ZMAT4: variants seen among roughly 807,000 people sequenced by gnomAD.
ZMAT4 encodes the protein zinc finger matrin-type protein 4.
Under a neutral mutation model 28.7 loss-of-function variants are expected in ZMAT4, and 17 were observed. That is an observed-to-expected ratio of 0.59 (90% CI 0.41 to 0.89). The LOEUF (loss-of-function observed/expected upper bound fraction) is 0.89, where lower values mean the gene tolerates loss of function less well. Among genes scored for constraint, ZMAT4 ranks in the 40% least tolerant of loss-of-function variants. ZMAT4 has a pLI of 0.00. For synonymous variants in ZMAT4, 117 were observed against 109.2 expected, an observed-to-expected ratio of 1.07 and a Z score of -0.44; for missense variants, 240 against 283.8, an observed-to-expected ratio of 0.85 and a Z score of 1.11.
chr8:40,650,504 G>A (rs1173016390), intron 5 of ZMAT4, among the ~76,000 whole-genome samples: 1 of 127,402 alleles, frequency 7.8e-6, no homozygotes, highest in Non-Finnish European at 1.7e-5. Context: ...GGTACAAGGA[G>A]GAACTGGTAC....
At chr8:40,682,145 T>C (rs1454637432) in intron 4 of ZMAT4, among the ~76,000 whole-genome samples, 1 of 152,198 alleles carries the variant, frequency 6.6e-6, no homozygotes, top group Non-Finnish European at 1.5e-5. Context: ...TACTCATGGA[T>C]ATATACTCCC....
chr8:40,780,520 A>G (rs1185995622), intron 2 of ZMAT4, among the ~76,000 whole-genome samples: 1 of 152,200 alleles, frequency 6.6e-6, no homozygotes, highest in Admixed American at 6.5e-5. Flanking sequence ...AGTCCGGAGC[A>G]CCGACATTCT....
At chr8:40,830,642 T>C (rs935837352) in intron 1 of ZMAT4, among the ~76,000 whole-genome samples, 1 of 152,214 alleles carries the variant, frequency 6.6e-6, no homozygotes, top group African/African-American at 2.4e-5. Flanking sequence ...AATGAACATG[T>C]AAGTGCAGGT....
intron 5 of ZMAT4, among the ~76,000 whole-genome samples, chr8:40,586,906 T>C (rs1041837643): frequency 2.0e-5 from 3 of 151,908 alleles, no homozygotes; most frequent in African/African-American, 7.3e-5. Flanking sequence ...AGCAGGATCA[T>C]GAGGAAGAAA....
At chr8:40,863,996 C>T (rs1409293425) in intron 1 of ZMAT4, among the ~76,000 whole-genome samples, 2 of 152,188 alleles carry the variant, frequency 1.3e-5, no homozygotes, top group Non-Finnish European at 1.5e-5. Flanking sequence ...ATCTCCTGTG[C>T]CTCACATGGT....
rs141856436 is a variant in ZMAT4 at position 40,837,711 on chromosome 8, G to A, written c.-4-12031C>T. Reference sequence around the variant, plus strand: ...GAGAATGCTCATTCAGGTCAGTACCGCTCGATTTCTCATTTGAACAGAGTG... The same window carrying A: ...GAGAATGCTCATTCAGGTCAGTACCACTCGATTTCTCATTTGAACAGAGTG... On this transcript the variant is annotated intron_variant, in intron 1 of 6. Coordinates refer to ENST00000297737, the MANE Select transcript of ZMAT4 (RefSeq NM_024645.3). Among the ~76,000 whole-genome samples, 838 of 152,262 alleles carry A rather than the reference G, an allele frequency of 5.5e-3. 7 individuals are homozygous for A. Among genetic ancestry groups the A allele is most frequent in the African/African-American group, 0.019 (787 of 41,542 alleles).
intron 5 of ZMAT4, among the ~76,000 whole-genome samples, chr8:40,608,305 G>A (rs923117371): frequency 6.6e-6 from 1 of 152,126 alleles, no homozygotes; most frequent in African/African-American, 2.4e-5. Context: ...TATGTTCCTA[G>A]GGGAAATATG....
intron 5 of ZMAT4, among the ~76,000 whole-genome samples, chr8:40,635,921 AT>A (rs1806775447): frequency 1.3e-5 from 2 of 152,170 alleles, no homozygotes; most frequent in African/African-American, 4.8e-5. Flanking sequence ...AGAGGAAAAG[AT>A]TTCTGAGTTC....
chr8:40,679,874 A>G (rs544100857), intron 4 of ZMAT4, among the ~76,000 whole-genome samples: 76 of 152,350 alleles, frequency 5.0e-4, no homozygotes, highest in African/African-American at 1.8e-3. Flanking sequence ...TGATGAATAA[A>G]TGAATGAACG....
At chr8:40,738,176 G>C (rs1256418379) in intron 3 of ZMAT4, among the ~76,000 whole-genome samples, 3 of 152,138 alleles carry the variant, frequency 2.0e-5, no homozygotes, top group Non-Finnish European at 4.4e-5. Flanking sequence ...ATACAGAAGA[G>C]GTACCAGGTG....
At chr8:40,733,557 G>C (rs966536110) in intron 3 of ZMAT4, among the ~76,000 whole-genome samples, 2 of 152,022 alleles carry the variant, frequency 1.3e-5, no homozygotes, top group African/African-American at 4.8e-5. Flanking sequence ...TTTTGGATTT[G>C]TTGAGCAGTC....
chr8:40,576,983 C>A (rs1254885633), intron 6 of ZMAT4, among the ~76,000 whole-genome samples: 1 of 152,112 alleles, frequency 6.6e-6, no homozygotes, highest in African/African-American at 2.4e-5. Context: ...CACCTGAGGT[C>A]AGGAGTTCAA....
chr8:40,563,929 T>A (rs1293535073), intron 6 of ZMAT4, among the ~76,000 whole-genome samples: 1 of 152,010 alleles, frequency 6.6e-6, no homozygotes, highest in Non-Finnish European at 1.5e-5. Context: ...CCATGGCAGG[T>A]CTCCTACAGG....
chr8:40,685,842 G>A (rs112979703), intron 4 of ZMAT4, among the ~76,000 whole-genome samples: 6 of 152,250 alleles, frequency 3.9e-5, no homozygotes, highest in African/African-American at 1.4e-4. Context: ...GTTCCTGTCA[G>A]AATCACCTTG....
chr8:40,559,154 A>T (rs1436770357), intron 6 of ZMAT4, among the ~76,000 whole-genome samples: 2 of 152,126 alleles, frequency 1.3e-5, no homozygotes, highest in Non-Finnish European at 2.9e-5. Flanking sequence ...CCTGTTCTAC[A>T]ACCATAACTA....
chr8:40,768,695 G>T (rs1813263654), intron 2 of ZMAT4, among the ~76,000 whole-genome samples: 1 of 144,076 alleles, frequency 6.9e-6, no homozygotes, highest in South Asian at 2.2e-4. Flanking sequence ...ATTTGCTAGG[G>T]TGTCATAAGA....
At chr8:40,764,924 T>C (rs187837589) in intron 3 of ZMAT4, among the ~76,000 whole-genome samples, 12 of 152,158 alleles carry the variant, frequency 7.9e-5, no homozygotes, top group South Asian at 6.2e-4. Context: ...CTCTGATTCC[T>C]AAACTCAAGC....
At chr8:40,761,884 C>T (rs1240830376) in intron 3 of ZMAT4, among the ~76,000 whole-genome samples, 1 of 152,200 alleles carries the variant, frequency 6.6e-6, no homozygotes, top group Non-Finnish European at 1.5e-5. Flanking sequence ...GTCAGGACAG[C>T]AATTATATTG....
At chr8:40,851,777 T>C (rs1312159303) in intron 1 of ZMAT4, among the ~76,000 whole-genome samples, 1 of 152,228 alleles carries the variant, frequency 6.6e-6, no homozygotes, top group Non-Finnish European at 1.5e-5. Flanking sequence ...AGCTATACAA[T>C]ATATTATTGC....
Sources: gnomAD v4.1 joint callset for allele counts (sites outside exome capture counted in the v4.1 genomes callset) on GRCh38, gnomAD v4.1.1 for gene constraint, MANE v1.5 for transcripts, NCBI Gene and HGNC (gene_info 2026-07-23, HGNC 2026-07-21) for gene names.